LACTB2: variants seen among roughly 807,000 people sequenced by gnomAD.
LACTB2 encodes the protein endoribonuclease LACTB2.
LACTB2 carries 32 observed loss-of-function variants against 34.8 expected under a neutral mutation model. That is an observed-to-expected ratio of 0.92 (90% confidence interval 0.69 to 1.24). The LOEUF is 1.24. Among genes scored for constraint, LACTB2 ranks in the 50% most tolerant of loss-of-function variants. The pLI is 0.00. For synonymous variants in LACTB2, 120 were observed against 117.5 expected, an observed-to-expected ratio of 1.02 and a Z score of -0.14; for missense variants, 320 against 345.0, an observed-to-expected ratio of 0.93 and a Z score of 0.57.
At chr8:70,639,987 G>C (rs981006490) in intron 5 of LACTB2, among the ~76,000 whole-genome samples, 4 of 152,226 alleles carry the variant, frequency 2.6e-5, no homozygotes, top group African/African-American at 9.6e-5. Context: ...TTGAGATACA[G>C]TCTTGCACTG....
At chr8:70,640,843 C>T in intron 5 of LACTB2, 59 bp downstream of exon 5, 2 of 1,455,560 alleles carry the variant, frequency 1.4e-6, no homozygotes, top group South Asian at 2.9e-5. Context: ...CTATAGTCTA[C>T]TAAATAGATA....
At chr8:70,658,587 A>G (rs1312219848) in intron 2 of LACTB2, among the ~76,000 whole-genome samples, 2 of 152,220 alleles carry the variant, frequency 1.3e-5, no homozygotes, top group South Asian at 2.1e-4. Flanking sequence ...TATTAAATGG[A>G]CAATTCGGCT....
chr8:70,638,864 C>G (rs892109708), intron 5 of LACTB2, among the ~76,000 whole-genome samples: 4 of 151,408 alleles, frequency 2.6e-5, no homozygotes, highest in Non-Finnish European at 5.9e-5. Context: ...CTCAGCCTCC[C>G]GAGTAGCTGG....
At chr8:70,638,660 CT>C (rs11399242) in intron 5 of LACTB2, 31 bp from the exon 6 acceptor site, 14 of 1,103,418 alleles carry the variant, frequency 1.3e-5, no homozygotes, top group Admixed American at 6.4e-5. Context: ...AAAAAAATTC[CT>C]TTTTTTTTAA....
At chr8:70,664,391 T>C (rs1818514721) in intron 1 of LACTB2, among the ~76,000 whole-genome samples, 1 of 152,222 alleles carries the variant, frequency 6.6e-6, no homozygotes, top group Admixed American at 6.5e-5. Flanking sequence ...ATACATGAAT[T>C]TGATAAAATC....
At chr8:70,657,957 G>T in intron 2 of LACTB2, 75 bp from the exon 3 acceptor site, 1 of 934,568 alleles carries the variant, frequency 1.1e-6, no homozygotes, top group Non-Finnish European at 1.5e-6. Context: ...CTTTCATAGA[G>T]CTAACACTTG....
chr8:70,655,220 ATTT>A (rs36122235), intron 3 of LACTB2, among the ~76,000 whole-genome samples: 17 of 137,268 alleles, frequency 1.2e-4, no homozygotes, highest in Admixed American at 1.4e-4. Context: ...ATTAATTCCT[ATTT>A]TTTTTTTTTT....
chr8:70,661,679 A>G (rs1253809260), intron 2 of LACTB2, 55 bp downstream of exon 2: 25 of 1,497,780 alleles, frequency 1.7e-5, no homozygotes, highest in South Asian at 2.5e-5. Flanking sequence ...ACTGAAATAA[A>G]TTATTCTCCA....
rs754915489 is a variant in LACTB2, at chr8:70,637,953, G to A, written c.824-50C>T. ...AAAATTTAACAATAGATAAGTAAAT[G>A]CACTGAATTTTAAGTTACCTTGTGG... On this transcript the variant is annotated intron_variant, in intron 6 of 6. Coordinates refer to ENST00000276590, the MANE Select transcript of LACTB2 (RefSeq NM_016027.3). 1.9e-6 allele frequency: 2 copies of A among 1,054,942 alleles called. 1 individual carries two copies. Among genetic ancestry groups the A allele is most frequent in the South Asian group, 3.8e-5 (2 of 53,312 alleles). 65.3% of individuals were successfully genotyped at this position (1,054,942 alleles called of 1,614,324 possible).
At chr8:70,639,013 C>T (rs1490554077) in intron 5 of LACTB2, among the ~76,000 whole-genome samples, 1 of 152,064 alleles carries the variant, frequency 6.6e-6, no homozygotes, top group Non-Finnish European at 1.5e-5. Context: ...GCTGGGATTA[C>T]AGACGTGAGC....
intron 3 of LACTB2, among the ~76,000 whole-genome samples, chr8:70,645,496 T>C (rs1818252638): frequency 6.6e-6 from 1 of 152,008 alleles, no homozygotes; most frequent in South Asian, 2.1e-4. Flanking sequence ...AAAGACTCTT[T>C]TTTTTTTTTA....
intron 5 of LACTB2, among the ~76,000 whole-genome samples, 194 bp from the exon 6 acceptor site, chr8:70,638,823 T>G (rs931759423): frequency 6.6e-6 from 1 of 151,180 alleles, no homozygotes; most frequent in Non-Finnish European, 1.5e-5. Context: ...CACTGCAACC[T>G]CCGCCTCCCA....
chr8:70,656,889 G>A (rs1818418188), intron 3 of LACTB2, among the ~76,000 whole-genome samples: 1 of 152,110 alleles, frequency 6.6e-6, no homozygotes, highest in East Asian at 1.9e-4. Flanking sequence ...TAGTGTGGTG[G>A]GCAAGGGGAG....
intron 1 of LACTB2, among the ~76,000 whole-genome samples, chr8:70,667,445 C>G (rs1269006094): frequency 6.6e-6 from 1 of 152,198 alleles, no homozygotes; most frequent in Non-Finnish European, 1.5e-5. Context: ...ATTTCTAGCT[C>G]AACTATACGG....
At chr8:70,644,815 C>G (rs36047866) in intron 3 of LACTB2, among the ~76,000 whole-genome samples, 49,774 of 151,812 alleles carry the variant, frequency 0.33, 9,556 homozygotes, top group Non-Finnish European at 0.44. Flanking sequence ...ATAATAAGCA[C>G]TGATTATAAC....
chr8:70,638,400 A>T, intron 6 of LACTB2, 148 bp downstream of exon 6: 1 of 797,194 alleles, frequency 1.3e-6, no homozygotes, highest in Non-Finnish European at 1.8e-6. Context: ...GCCCTGTGCT[A>T]CTGACCTTCC....
intron 1 of LACTB2, among the ~76,000 whole-genome samples, chr8:70,667,876 T>C (rs563408600): frequency 2.0e-5 from 3 of 152,322 alleles, no homozygotes; most frequent in Non-Finnish European, 4.4e-5. Flanking sequence ...TATTGACTAG[T>C]TCAAGATGAC....
Position 70,640,938 on chromosome 8 carries a change from T to C in LACTB2, c.705A>G (p.Ser235=). 6.2e-7 allele frequency: 1 copy of C among 1,607,326 alleles called. No individual in the cohort carries two copies. Among genetic ancestry groups the C allele is most frequent in the Non-Finnish European group, 8.5e-7 (1 of 1,177,790 alleles). Residue 235 remains serine, a synonymous_variant, in exon 5 of 7, where the codon TCA becomes TCG. Coordinates refer to ENST00000276590, the MANE Select transcript of LACTB2 (RefSeq NM_016027.3). ...TTTTTACAAGCTCCATTACTGTAAA[T>C]GATTTCTCAAAGTTCTCACGAAATA... The part of the protein sequence containing the change: ...LTLFRENFEK[S]FTVMELVKII...
At chr8:70,637,987 A>C in intron 6 of LACTB2, 84 bp from the exon 7 acceptor site, 1 of 721,356 alleles carries the variant, frequency 1.4e-6, no homozygotes, top group Non-Finnish European at 2.2e-6. Context: ...GGCTAGAAAA[A>C]GCATTCATTC....
Sources: gnomAD v4.1 joint callset for allele counts (sites outside exome capture counted in the v4.1 genomes callset) on GRCh38, gnomAD v4.1.1 for gene constraint, MANE v1.5 for transcripts, NCBI Gene and HGNC (gene_info 2026-07-23, HGNC 2026-07-21) for gene names.